ENTREP2: variants seen among roughly 807,000 people sequenced by gnomAD.
ENTREP2 encodes the protein endosomal transmembrane epsin interactor 2.
chr15:29,465,140 C>CCACT, the ENTREP2 span, among the ~76,000 whole-genome samples: 1 of 151,896 alleles, frequency 6.6e-6, no homozygotes, highest in Non-Finnish European at 1.5e-5. Context: ...GATATAACCC[C>CCACT]CACTCAGCAC....
At chr15:29,151,953 T>C in the ENTREP2 span, 68,651 of 785,248 alleles carry the variant, frequency 0.087, 6,123 homozygotes, top group African/African-American at 0.36. Context: ...ATCCACTTCA[T>C]GGAGGTTTTG....
the ENTREP2 span, among the ~76,000 whole-genome samples, chr15:29,148,923 C>G: frequency 0.017 from 2,552 of 151,620 alleles, 76 homozygotes; most frequent in African/African-American, 0.059. Flanking sequence ...GTCGCCCAGG[C>G]TGTAGTGCAA....
the ENTREP2 span, among the ~76,000 whole-genome samples, chr15:29,377,422 T>C: frequency 6.6e-6 from 1 of 151,982 alleles, no homozygotes; most frequent in South Asian, 2.1e-4. Flanking sequence ...GAGCCAGCTT[T>C]TTGGCACACA....
At chr15:29,599,917 A>G in the ENTREP2 span, among the ~76,000 whole-genome samples, 1 of 152,120 alleles carries the variant, frequency 6.6e-6, no homozygotes, top group Non-Finnish European at 1.5e-5. Context: ...CAGGTGCCTC[A>G]GCTCCCTACC....
At chr15:29,493,125 CTTTTTTTTTTTTTTTT>C in the ENTREP2 span, among the ~76,000 whole-genome samples, 11 of 84,774 alleles carry the variant, frequency 1.3e-4, no homozygotes, top group Non-Finnish European at 2.0e-4. Flanking sequence ...CCTGACAACC[CTTTTTTTTTTTTTTTT>C]TTTTTTTTTT....
the ENTREP2 span, among the ~76,000 whole-genome samples, chr15:29,661,409 C>T: frequency 1.3e-4 from 20 of 152,072 alleles, no homozygotes; most frequent in Non-Finnish European, 2.2e-4. Context: ...GCATGTTGGC[C>T]AGGCTGGTCA....
chr15:29,481,472 CT>C, the ENTREP2 span, among the ~76,000 whole-genome samples: 1 of 152,158 alleles, frequency 6.6e-6, no homozygotes, highest in Non-Finnish European at 1.5e-5. Flanking sequence ...AGAAGACAGA[CT>C]GATTATACAA....
At chr15:29,229,118 A>T in the ENTREP2 span, among the ~76,000 whole-genome samples, 53,949 of 152,028 alleles carry the variant, frequency 0.35, 10,389 homozygotes, top group East Asian at 0.6. Flanking sequence ...TGACATAAAT[A>T]TAAAACTGAA....
At chr15:29,526,866 CCCTT>C in the ENTREP2 span, among the ~76,000 whole-genome samples, 1 of 152,024 alleles carries the variant, frequency 6.6e-6, no homozygotes, top group African/African-American at 2.4e-5. Context: ...CTCCCACTCT[CCCTT>C]CCATCACTCC....
the ENTREP2 span, among the ~76,000 whole-genome samples, chr15:29,487,456 C>CCA: frequency 2.6e-5 from 4 of 152,204 alleles, no homozygotes. Flanking sequence ...TTTTTCTCTG[C>CCA]CTCTCTCTCC....
chr15:29,356,859 C>T, the ENTREP2 span, among the ~76,000 whole-genome samples: 1 of 152,100 alleles, frequency 6.6e-6, no homozygotes, highest in Non-Finnish European at 1.5e-5. Context: ...ATAAGGGAGT[C>T]TTTCATAAAA....
the ENTREP2 span, among the ~76,000 whole-genome samples, chr15:29,435,589 A>G: frequency 6.6e-6 from 1 of 152,056 alleles, no homozygotes; most frequent in African/African-American, 2.4e-5. Flanking sequence ...GGTTCTAATC[A>G]AACTCTGTGG....
the ENTREP2 span, among the ~76,000 whole-genome samples, chr15:29,300,088 A>T: frequency 1.7e-3 from 247 of 146,402 alleles, no homozygotes; most frequent in African/African-American, 5.9e-3. Context: ...TGGATGGGTA[A>T]ATGAATGGAT....
At chr15:29,454,993 A>G in the ENTREP2 span, among the ~76,000 whole-genome samples, 1 of 152,180 alleles carries the variant, frequency 6.6e-6, no homozygotes, top group Non-Finnish European at 1.5e-5. Flanking sequence ...CCTCCCATGG[A>G]AAGAGGAAAT....
chr15:29,169,803 C>T, the ENTREP2 span, among the ~76,000 whole-genome samples: 1 of 152,122 alleles, frequency 6.6e-6, no homozygotes, highest in Non-Finnish European at 1.5e-5. Flanking sequence ...CAGCAAACAT[C>T]TGGAAGGAGA....
the ENTREP2 span, among the ~76,000 whole-genome samples, chr15:29,673,659 C>T: frequency 0.015 from 2,268 of 152,312 alleles, 49 homozygotes; most frequent in African/African-American, 0.052. Context: ...TCTAACCTTA[C>T]AGCTAATTTG....
At chr15:29,234,144 G>A in the ENTREP2 span, 6 of 1,563,656 alleles carry the variant, frequency 3.8e-6, no homozygotes, top group Non-Finnish European at 5.3e-6. Context: ...TGCTCTCCAT[G>A]TCATTCTCGT....
the ENTREP2 span, among the ~76,000 whole-genome samples, chr15:29,191,224 G>A: frequency 6.6e-6 from 1 of 152,110 alleles, no homozygotes; most frequent in Non-Finnish European, 1.5e-5. Context: ...GACTCTCAGA[G>A]GAAGAAGTAT....
chr15:29,420,562 G>A, the ENTREP2 span, among the ~76,000 whole-genome samples: 2 of 152,124 alleles, frequency 1.3e-5, no homozygotes, highest in African/African-American at 4.8e-5. Flanking sequence ...GCTAATTCAG[G>A]CTATTTGAAA....
Sources: gnomAD v4.1 joint callset for allele counts (sites outside exome capture counted in the v4.1 genomes callset) on GRCh38, gnomAD v4.1.1 for gene constraint, MANE v1.5 for transcripts, NCBI Gene and HGNC (gene_info 2026-07-23, HGNC 2026-07-21) for gene names.